The following SVEP1 variants were observed in gnomAD, a reference collection of about 807,000 sequenced individuals.
SVEP1 encodes the protein sushi, von Willebrand factor type A, EGF and pentraxin domain-containing protein 1.
A neutral mutation model predicts 367.3 loss-of-function variants in SVEP1; 164 were observed. That is an observed-to-expected ratio of 0.45 (90% CI 0.39 to 0.51). The LOEUF (loss-of-function observed/expected upper bound fraction) is 0.51. Ranked by LOEUF, SVEP1 falls within the 20% of genes least tolerant of loss-of-function variation. SVEP1 has a pLI of 0.00. For synonymous variants in SVEP1, 1,666 were observed against 1,611.6 expected, an observed-to-expected ratio of 1.03 and a Z score of -0.81; for missense variants, 4,117 against 4,425.3, an observed-to-expected ratio of 0.93 and a Z score of 1.98.
intron 14 of SVEP1, 87 bp downstream of exon 14, chr9:110,476,117 A>C (rs1829093509): frequency 2.6e-6 from 2 of 759,322 alleles, no homozygotes; most frequent in Non-Finnish European, 4.5e-6. Context: ...ATAGAAGTTA[A>C]TGTTTCTAGT....
chr9:110,470,895 A>G (rs989511493), intron 16 of SVEP1, among the ~76,000 whole-genome samples: 2 of 152,094 alleles, frequency 1.3e-5, no homozygotes, highest in Non-Finnish European at 2.9e-5. Context: ...TGTCATTTAC[A>G]TTAGGTATAT....
At chr9:110,482,517 T>G in intron 10 of SVEP1, 25 bp from the exon 11 acceptor site, 1 of 1,551,366 alleles carries the variant, frequency 6.4e-7, no homozygotes, top group Non-Finnish European at 8.7e-7. Context: ...AGGCAGCCAA[T>G]TTTTGGGTTG....
At chr9:110,529,877 C>T (rs930298130) in intron 3 of SVEP1, among the ~76,000 whole-genome samples, 8 of 151,978 alleles carry the variant, frequency 5.3e-5, no homozygotes, top group African/African-American at 7.3e-5. Context: ...ATGGTTCTGG[C>T]GAGGACTTCC....
chr9:110,552,737 T>G (rs1830306627), intron 1 of SVEP1, among the ~76,000 whole-genome samples: 1 of 152,112 alleles, frequency 6.6e-6, no homozygotes, highest in Admixed American at 6.5e-5. Context: ...ACTGCTCACT[T>G]CCTGTTGTGT....
At chr9:110,390,052 CGTATATATATAA>C (rs1308002771) in intron 40 of SVEP1, among the ~76,000 whole-genome samples, 42 of 110,528 alleles carry the variant, frequency 3.8e-4, no homozygotes, top group Middle Eastern at 4.7e-3. Flanking sequence ...TATATATACA[CGTATATATATAA>C]GTATATATAT....
intron 5 of SVEP1, among the ~76,000 whole-genome samples, 164 bp from the exon 6 acceptor site, chr9:110,503,381 T>C (rs1322116174): frequency 1.3e-5 from 2 of 152,174 alleles, no homozygotes; most frequent in Admixed American, 6.5e-5. Flanking sequence ...TATGGGACAA[T>C]TGAAAGTTCA....
At chr9:110,397,982 GA>G (rs1588033150) in intron 40 of SVEP1, among the ~76,000 whole-genome samples, 1 of 146,660 alleles carries the variant, frequency 6.8e-6, no homozygotes, top group Non-Finnish European at 1.5e-5. Flanking sequence ...CACAGAATTG[GA>G]AAAAACTACT....
chr9:110,426,431 C>A (rs916948930), intron 36 of SVEP1, among the ~76,000 whole-genome samples: 3 of 151,890 alleles, frequency 2.0e-5, no homozygotes, highest in African/African-American at 7.3e-5. Context: ...CTCACAATAT[C>A]CATAAGTATG....
intron 47 of SVEP1, 178 bp downstream of exon 47, chr9:110,369,745 A>T: frequency 1.7e-6 from 1 of 589,514 alleles, no homozygotes; most frequent in Non-Finnish European, 3.0e-6. Context: ...ATCCTGAACT[A>T]ATATTTCTTA....
At chr9:110,370,114 A>T in intron 46 of SVEP1, 98 bp from the exon 47 acceptor site, 1 of 1,050,048 alleles carries the variant, frequency 9.5e-7, no homozygotes, top group Non-Finnish European at 1.4e-6. Context: ...TACTTCCTGC[A>T]GCAGCCACTG....
chr9:110,423,168 T>TAAAAAAAAAAAAAGAAA (rs1828194925), intron 36 of SVEP1, among the ~76,000 whole-genome samples: 1 of 103,650 alleles, frequency 9.6e-6, no homozygotes, highest in African/African-American at 3.5e-5. Flanking sequence ...AAAAATAAAG[T>TAAAAAAAAAAAAAGAAA]AAAAAAAAAA....
At chr9:110,439,725 TGTATG>T (rs1828485424) in intron 27 of SVEP1, among the ~76,000 whole-genome samples, 2 of 152,124 alleles carry the variant, frequency 1.3e-5, no homozygotes, top group South Asian at 4.2e-4. Context: ...AGCCACTTTG[TGTATG>T]GTATTTCTTT....
intron 36 of SVEP1, among the ~76,000 whole-genome samples, chr9:110,413,955 G>A (rs985939070): frequency 2.6e-5 from 4 of 151,976 alleles, no homozygotes; most frequent in African/African-American, 7.3e-5. Context: ...AGTGAATGGT[G>A]GTTCAGACAG....
intron 2 of SVEP1, among the ~76,000 whole-genome samples, chr9:110,548,853 T>A (rs948987922): frequency 2.0e-5 from 3 of 152,212 alleles, no homozygotes; most frequent in African/African-American, 7.2e-5. Flanking sequence ...TTATGCATGG[T>A]GGCTCATGTC....
chr9:110,452,733 G>C (rs1450062534), intron 22 of SVEP1, among the ~76,000 whole-genome samples: 1 of 152,196 alleles, frequency 6.6e-6, no homozygotes, highest in African/African-American at 2.4e-5. Flanking sequence ...GATTTCTTCT[G>C]TTGTTGAGGT....
chr9:110,396,651 G>C (rs1827766321), intron 40 of SVEP1, among the ~76,000 whole-genome samples: 1 of 134,580 alleles, frequency 7.4e-6, no homozygotes, highest in African/African-American at 2.9e-5. Context: ...AATAAAAAAT[G>C]ATAGAGGGGA....
Position 110,406,873 on chromosome 9 carries a change from G to A in SVEP1, c.8727C>T (p.Phe2909=). Residue 2909 remains phenylalanine, a synonymous_variant, in exon 38 of 48, where the codon TTC becomes TTT. Coordinates refer to ENST00000374469, the MANE Select transcript of SVEP1 (RefSeq NM_153366.4). ...NGVTEGLDYG[F]MKEVTFHCHE... is the part of the protein sequence containing the mutation. ...GACAGTGGAATGTTACTTCCTTCATGAAGCCATAGTCCAGGCCTTCCGTCA... is the reference window on the plus strand; with the variant it reads ...GACAGTGGAATGTTACTTCCTTCATAAAGCCATAGTCCAGGCCTTCCGTCA... 6.2e-7 allele frequency: 1 copy of A among 1,613,978 alleles called. No homozygotes were observed. Among genetic ancestry groups the A allele is most frequent in the Non-Finnish European group, 8.5e-7 (1 of 1,179,896 alleles).
At chr9:110,450,467 GTTTTTTTT>G (rs10656079) in intron 23 of SVEP1, among the ~76,000 whole-genome samples, 1 of 102,106 alleles carries the variant, frequency 9.8e-6, no homozygotes, top group Non-Finnish European at 1.9e-5. Context: ...TTGATAATCT[GTTTTTTTT>G]TTTTTTTTTT....
At chr9:110,441,783 T>C (rs1239023134) in intron 27 of SVEP1, among the ~76,000 whole-genome samples, 2 of 152,226 alleles carry the variant, frequency 1.3e-5, no homozygotes, top group African/African-American at 4.8e-5. Context: ...AACCTCTTTG[T>C]TGTTTAGGAA....
Sources: gnomAD v4.1 joint callset for allele counts (sites outside exome capture counted in the v4.1 genomes callset) on GRCh38, gnomAD v4.1.1 for gene constraint, MANE v1.5 for transcripts, NCBI Gene and HGNC (gene_info 2026-07-23, HGNC 2026-07-21) for gene names.